The following GABRA2 variants were observed in gnomAD, a reference collection of about 807,000 sequenced individuals.
GABRA2 encodes gamma-aminobutyric acid type A receptor subunit alpha2, also known as gamma-aminobutyric acid receptor subunit alpha-2.
GABRA2 carries 16 observed loss-of-function variants against 48.7 expected under a neutral mutation model. The observed-to-expected ratio is 0.33, with a 90% CI of 0.22 to 0.50. The LOEUF (loss-of-function observed/expected upper bound fraction) is 0.50, where lower values mean the gene tolerates loss of function less well. GABRA2 is among the 20% of genes least tolerant of loss of function. The pLI, the probability that GABRA2 is intolerant of heterozygous loss-of-function variation, is 0.98. For missense variants in GABRA2, 275 were observed against 535.6 expected, an observed-to-expected ratio of 0.51 and a Z score of 4.80; for synonymous variants, 185 against 184.5, an observed-to-expected ratio of 1.00 and a Z score of -0.02.
chr4:46,289,915 T>TTATTTATTTTTAA lies in GABRA2; in HGVS notation c.856+13544_856+13545insTTAAAAATAAATA, dbSNP rs1560482762. Among the ~76,000 whole-genome samples the TTATTTATTTTTAA allele has an allele frequency of 2.9e-3, 362 of 125,110 alleles. 9 individuals carry two copies. Among genetic ancestry groups the TTATTTATTTTTAA allele is most frequent in the African/African-American group, 0.016 (349 of 22,180 alleles). The allele number at this position is 125,110 out of a possible 152,430, so 82.1% of individuals were successfully genotyped here. A position where few individuals can be genotyped will look rare whatever the true frequency, so the allele number is the denominator to read the frequency against. On this transcript the variant is annotated intron_variant, in intron 8 of 9. Transcript: ENST00000381620. ...TATTTATTTATTTATTTATTTTTATTTTTTTTTTTTTTTTGAGACTGAGTC... is the reference window on the plus strand; with the variant it reads ...TATTTATTTATTTATTTATTTTTATTTATTTATTTTTAATTTTTTTTTTTTTTGAGACTGAGTC...
intron 3 of GABRA2, among the ~76,000 whole-genome samples, chr4:46,349,756 C>A (rs987442311): frequency 6.6e-6 from 1 of 151,878 alleles, no homozygotes; most frequent in African/African-American, 2.4e-5. Flanking sequence ...GTGATAGTAT[C>A]ACTTTCTTCT....
At chr4:46,345,868 G>T (rs1007498870) in intron 3 of GABRA2, among the ~76,000 whole-genome samples, 1 of 151,922 alleles carries the variant, frequency 6.6e-6, no homozygotes, top group Admixed American at 6.6e-5. Context: ...CAAGCAATAA[G>T]TTATACTGTC....
At chr4:46,306,169 T>C (rs962959733) in intron 6 of GABRA2, among the ~76,000 whole-genome samples, 2 of 152,208 alleles carry the variant, frequency 1.3e-5, no homozygotes, top group Non-Finnish European at 2.9e-5. Flanking sequence ...GAGTTAGCTA[T>C]CATAATACAA....
chr4:46,380,774 T>C lies in GABRA2; in HGVS notation c.187+5300A>G, dbSNP rs74475280. ...AATTCCTCTTAGGTTCTGGGAGAGA[T>C]CAGATTTTTTGGTATTAATTTTTGC... On this transcript the variant is annotated intron_variant, in intron 3 of 9. Coordinates refer to ENST00000381620, the MANE Select transcript of GABRA2 (RefSeq NM_000807.4). 8.5e-4 allele frequency among the ~76,000 whole-genome samples: 130 copies of C among 152,250 alleles called. 1 individual carries two copies. Among genetic ancestry groups the C allele is most frequent in the Middle Eastern group, 3.4e-3 (1 of 294 alleles).
intron 8 of GABRA2, among the ~76,000 whole-genome samples, chr4:46,277,446 T>C (rs1262650357): frequency 1.3e-5 from 2 of 152,166 alleles, no homozygotes; most frequent in African/African-American, 2.4e-5. Flanking sequence ...TTCTGCCCTG[T>C]ACAGGTTATG....
At chr4:46,299,982 T>C (rs960747874) in intron 8 of GABRA2, among the ~76,000 whole-genome samples, 1 of 151,962 alleles carries the variant, frequency 6.6e-6, no homozygotes, top group African/African-American at 2.4e-5. Context: ...GTATGCAACA[T>C]GAATAGCATG....
intron 3 of GABRA2, chr4:46,365,717 G>A (rs1307967086): frequency 6.6e-6 from 1 of 152,102 alleles, no homozygotes; most frequent in Non-Finnish European, 1.5e-5. Context: ...CACATGGTAA[G>A]AACATGCTCA....
At chr4:46,331,118 G>T (rs1385786426) in intron 4 of GABRA2, among the ~76,000 whole-genome samples, 1 of 152,148 alleles carries the variant, frequency 6.6e-6, no homozygotes, top group Non-Finnish European at 1.5e-5. Flanking sequence ...GAAAAAGAAG[G>T]GTTATGCTGA....
At chr4:46,300,188 G>A (rs962793209) in intron 8 of GABRA2, among the ~76,000 whole-genome samples, 1 of 151,338 alleles carries the variant, frequency 6.6e-6, no homozygotes, top group Non-Finnish European at 1.5e-5. Context: ...TCACTCCAAA[G>A]CAACTTTACT....
intron 8 of GABRA2, among the ~76,000 whole-genome samples, chr4:46,289,565 G>A (rs543416920): frequency 3.6e-4 from 55 of 152,124 alleles, no homozygotes; most frequent in Admixed American, 8.5e-4. Flanking sequence ...GAGGGTGGGA[G>A]GAGGGAGAGG....
intron 3 of GABRA2, among the ~76,000 whole-genome samples, chr4:46,350,809 T>C (rs1489113360): frequency 1.3e-5 from 2 of 151,894 alleles, no homozygotes; most frequent in East Asian, 1.9e-4. Context: ...GAAAACATAG[T>C]ATGTAGATAA....
intron 3 of GABRA2, among the ~76,000 whole-genome samples, chr4:46,381,026 G>A (rs1716688161): frequency 6.6e-6 from 1 of 152,164 alleles, no homozygotes; most frequent in Non-Finnish European, 1.5e-5. Context: ...ACCAGGTTGG[G>A]AGAGGGTGGT....
chr4:46,260,498 C>T (rs1167144238), intron 9 of GABRA2, among the ~76,000 whole-genome samples: 5 of 151,768 alleles, frequency 3.3e-5, no homozygotes, highest in South Asian at 2.1e-4. Flanking sequence ...CAATTTGGCA[C>T]TCTCTAATAT....
chr4:46,386,132 C>T lies in GABRA2; in HGVS notation c.129G>A (p.Thr43=), dbSNP rs376627530. ...DEAKNNITIF[T]RILDRLLDGY... is the part of the protein sequence containing the mutation. The stretch of plus-strand genomic sequence containing the variant: ...CATCCAGAAGTCTGTCAAGAATTCT[C>T]GTAAAGATGGTAATGTTATTTTTAG... The change falls in exon 3 of 10, where the codon ACG becomes ACA. Residue 43 remains threonine, a synonymous_variant. Transcript: ENST00000381620. 14 of 1,611,824 alleles carry T rather than the reference C, an allele frequency of 8.7e-6. No individual in the cohort carries two copies. The East Asian group carries it at 1.1e-4, about 13-fold the overall frequency.
intron 8 of GABRA2, among the ~76,000 whole-genome samples, chr4:46,281,231 TAAGG>T (rs1227455507): frequency 6.6e-6 from 1 of 152,122 alleles, no homozygotes; most frequent in African/African-American, 2.4e-5. Context: ...AATGAAGACA[TAAGG>T]AAGACAATTG....
intron 8 of GABRA2, among the ~76,000 whole-genome samples, chr4:46,289,039 A>G (rs1413667330): frequency 6.6e-6 from 1 of 152,124 alleles, no homozygotes; most frequent in East Asian, 1.9e-4. Flanking sequence ...GGCTATTATT[A>G]AAAAGACAAA....
intron 8 of GABRA2, among the ~76,000 whole-genome samples, chr4:46,264,304 T>C (rs1314550137): frequency 2.0e-5 from 3 of 152,040 alleles, no homozygotes; most frequent in African/African-American, 7.2e-5. Context: ...ATCTGTATAT[T>C]TTTATTTGTT....
chr4:46,324,374 C>T (rs753806162), intron 4 of GABRA2, among the ~76,000 whole-genome samples: 27 of 151,788 alleles, frequency 1.8e-4, no homozygotes, highest in Non-Finnish European at 3.7e-4. Flanking sequence ...TTGATATCCC[C>T]TAGAAAATAT....
chr4:46,373,378 A>G (rs1385560223), intron 3 of GABRA2, among the ~76,000 whole-genome samples: 4 of 152,188 alleles, frequency 2.6e-5, no homozygotes, highest in African/African-American at 4.8e-5. Flanking sequence ...TGAAGGAATG[A>G]AAGTTGAAAT....
Sources: gnomAD v4.1 joint callset for allele counts (sites outside exome capture counted in the v4.1 genomes callset) on GRCh38, gnomAD v4.1.1 for gene constraint, MANE v1.5 for transcripts, NCBI Gene and HGNC (gene_info 2026-07-23, HGNC 2026-07-21) for gene names.